Variants in CYP4F12 observed in about 807,000 individuals in gnomAD.
CYP4F12 encodes the protein cytochrome P450 family 4 subfamily F member 12, also known as cytochrome P450 4F12.
CYP4F12 carries 60 observed loss-of-function variants against 56.5 expected under a neutral mutation model. The ratio of observed to expected loss-of-function variants is 1.06; its 90% CI spans 0.86 to 1.32. CYP4F12 has a LOEUF of 1.32. Among genes scored for constraint, CYP4F12 ranks in the 40% most tolerant of loss-of-function variants. CYP4F12 has a pLI of 0.00. For synonymous variants in CYP4F12, 263 were observed against 264.9 expected (o/e 0.99, Z 0.07); for missense variants, 711 against 683.5 (o/e 1.04, Z -0.45).
intron 5 of CYP4F12, chr19:15,680,786 TGTA>T (rs2007254849): frequency 6.1e-6 from 3 of 490,000 alleles, no homozygotes; most frequent in African/African-American, 1.9e-5. Flanking sequence ...ATGAAGATTG[TGTA>T]GTAGTCATTG....
chr19:15,675,035 C>T (rs1051655084), intron 2 of CYP4F12, among the ~76,000 whole-genome samples: 4 of 152,252 alleles, frequency 2.6e-5, no homozygotes, highest in Admixed American at 6.5e-5. Flanking sequence ...TCCTTCCCCA[C>T]GGAGGGACAC....
chr19:15,686,597 G>A (rs2007618411), intron 9 of CYP4F12, among the ~76,000 whole-genome samples: 2 of 152,216 alleles, frequency 1.3e-5, no homozygotes, highest in Admixed American at 6.5e-5. Context: ...TAATAACTAT[G>A]GTAGTGAAAG....
rs1178060826 is a variant in CYP4F12 at position 15,697,016 on chromosome 19, G to GCGC, written c.1506_1507insCGC (p.Leu502_Glu503insArg). 1.9e-6 allele frequency: 3 copies of GCGC among 1,614,238 alleles called. No homozygotes were observed. The South Asian group carries it at 3.3e-5, about 18-fold the overall frequency. ...ACCACACTGAGCCCCGCAGGAAGCT[G>GCGC]GAATTGATCATGCGCGCCGAGGGCG... On this transcript the variant is annotated inframe_insertion, in exon 13 of 13. Coordinates refer to ENST00000550308, the MANE Select transcript of CYP4F12 (RefSeq NM_023944.4).
rs1319183026 is a variant in CYP4F12, at chr19:15,697,121, T to C, written c.*36T>C. 1 of 1,593,478 alleles carries C rather than the reference T, an allele frequency of 6.3e-7. No individual in the cohort carries two copies. The highest frequency in any genetic ancestry group is 8.6e-7 in the Non-Finnish European group (1 of 1,165,856). On this transcript the variant is annotated 3_prime_UTR_variant, in exon 13 of 13. Coordinates refer to ENST00000550308, the MANE Select transcript of CYP4F12 (RefSeq NM_023944.4). ...CATCCACCTGTTTTTTTGCAGATTG[T>C]CATGAATAAAACGGTGCTGTCACCT...
rs36161522 is a variant in CYP4F12 at position 15,673,962 on chromosome 19, T to C, written c.198+235T>C. ...ACTCACTCCTCTACCCACTCACTCA[T>C]TCCTCTACCCACTCACTCATTCCTC... On this transcript the variant is annotated intron_variant, in intron 2 of 12. Transcript: ENST00000550308. Among the ~76,000 whole-genome samples, 20 of 59,626 alleles carry C rather than the reference T, an allele frequency of 3.4e-4. 6 individuals are homozygous for C. Among genetic ancestry groups the C allele is most frequent in the African/African-American group, 4.7e-4 (8 of 16,930 alleles). 39.1% of individuals were successfully genotyped at this position (59,626 alleles called of 152,430 possible).
intron 3 of CYP4F12, among the ~76,000 whole-genome samples, chr19:15,680,023 T>A (rs545422331): frequency 6.6e-6 from 1 of 152,320 alleles, no homozygotes; most frequent in East Asian, 1.9e-4. Flanking sequence ...CAAGGCGTGC[T>A]GGGGTGTGCT....
intron 9 of CYP4F12, among the ~76,000 whole-genome samples, chr19:15,690,124 A>C (rs2007806284): frequency 6.6e-6 from 1 of 152,208 alleles, no homozygotes; most frequent in Non-Finnish European, 1.5e-5. Context: ...AAGAAGAGAC[A>C]GATCTGCACA....
At chr19:15,679,593 A>C (rs538256113) in intron 3 of CYP4F12, among the ~76,000 whole-genome samples, 1 of 152,344 alleles carries the variant, frequency 6.6e-6, no homozygotes, top group African/African-American at 2.4e-5. Flanking sequence ...GGGGCATGTC[A>C]GAGACTTTCT....
chr19:15,673,735 T>C lies in CYP4F12; in HGVS notation c.198+8T>C, dbSNP rs750691846. 29 of 1,613,766 alleles carry C rather than the reference T, an allele frequency of 1.8e-5. No homozygotes were observed. The highest frequency in any genetic ancestry group is 1.7e-4 in the Middle Eastern group (1 of 6,058). ...TGGGGTCACCTGGGCCTGGTGAGTG[T>C]GACAGCAAAATGTGTCTGGGGTCTC... is the stretch of plus-strand genomic sequence containing the variant. On this transcript the variant is annotated splice_region_variant and intron_variant, in intron 2 of 12. Transcript: ENST00000550308.
intron 9 of CYP4F12, among the ~76,000 whole-genome samples, chr19:15,695,543 C>T (rs141318252): frequency 1.4e-3 from 213 of 150,712 alleles, no homozygotes; most frequent in African/African-American, 4.9e-3. Flanking sequence ...CCTTTTTTCC[C>T]TTGCCTAATT....
chr19:15,696,300 C>G (rs2008136023), intron 11 of CYP4F12, 75 bp downstream of exon 11: 1 of 1,611,518 alleles, frequency 6.2e-7, no homozygotes, highest in Admixed American at 1.7e-5. Flanking sequence ...TCCAAGGTTC[C>G]TAGTGGAGGG....
chr19:15,677,691 TCCTCCCTCACTTATTCCTC>T (rs2007039217), intron 2 of CYP4F12, among the ~76,000 whole-genome samples: 2 of 63,866 alleles, frequency 3.1e-5, no homozygotes, highest in African/African-American at 1.2e-4. Context: ...CTCATTCCTC[TCCTCCCTCACTTATTCCTC>T]TACCCACACA....
intron 7 of CYP4F12, chr19:15,684,547 C>G (rs907837244): frequency 2.4e-6 from 1 of 414,588 alleles, no homozygotes; most frequent in South Asian, 6.3e-5. Context: ...CTGTATTATG[C>G]AGAAAAATGA....
chr19:15,683,485 C>G lies in CYP4F12; in HGVS notation c.648-8C>G, dbSNP rs191287616. On this transcript the variant is annotated splice_polypyrimidine_tract_variant and splice_region_variant and intron_variant, in intron 6 of 12. Transcript: ENST00000550308. Reference sequence around the variant, plus strand: ...ATTGTTGCCTCCCTTTCTGCCCTTGCTCTGCAGGAGGCCCAGTGAATATAT... The same window carrying G: ...ATTGTTGCCTCCCTTTCTGCCCTTGGTCTGCAGGAGGCCCAGTGAATATAT... 888 of 1,581,632 alleles carry G rather than the reference C, an allele frequency of 5.6e-4. 8 individuals are homozygous for G. In the African/African-American group the frequency reaches 0.011, roughly 20 times the overall value.
chr19:15,692,607 T>G (rs629651), intron 9 of CYP4F12, among the ~76,000 whole-genome samples: 86,683 of 151,896 alleles, frequency 0.57, 25,087 homozygotes, highest in East Asian at 0.71. Context: ...AACTGAACCT[T>G]GTTCTCATAT....
At chr19:15,675,771 G>A (rs1371024228) in intron 2 of CYP4F12, among the ~76,000 whole-genome samples, 2 of 152,144 alleles carry the variant, frequency 1.3e-5, no homozygotes, top group African/African-American at 2.4e-5. Flanking sequence ...ACCACATCCG[G>A]TGGCTGTGGG....
chr19:15,680,111 G>C, intron 3 of CYP4F12, 133 bp from the exon 4 acceptor site: 1 of 1,188,920 alleles, frequency 8.4e-7, no homozygotes, highest in South Asian at 1.5e-5. Context: ...TCCTCCCTTC[G>C]TCCTTTGCCC....
chr19:15,696,292 C>T, intron 11 of CYP4F12, 67 bp downstream of exon 11: 1 of 1,611,086 alleles, frequency 6.2e-7, no homozygotes, highest in South Asian at 1.1e-5. Flanking sequence ...GTGTGAATTC[C>T]AAGGTTCCTA....
intron 7 of CYP4F12, chr19:15,684,120 C>T: frequency 6.0e-6 from 1 of 167,532 alleles, no homozygotes; most frequent in Non-Finnish European, 1.3e-5. Flanking sequence ...GCAGTAACAG[C>T]AGGTGGAGTA....
Sources: allele counts gnomAD v4.1 joint callset (sites outside exome capture counted in the v4.1 genomes callset), GRCh38; gene constraint gnomAD v4.1.1; transcripts MANE v1.5; gene names NCBI Gene and HGNC (gene_info 2026-07-23, HGNC 2026-07-21).